The following BSDC1 variants were observed in gnomAD, a reference collection of about 807,000 sequenced individuals.
BSDC1 encodes BSD domain-containing protein 1.
Under a neutral mutation model 56.0 loss-of-function variants are expected in BSDC1, and 29 were observed. That is an observed-to-expected ratio of 0.52 (90% confidence interval 0.39 to 0.71). The LOEUF is 0.71. Ranked by LOEUF, BSDC1 falls within the 30% of genes least tolerant of loss-of-function variation. BSDC1 has a pLI of 0.00. For synonymous variants in BSDC1, 210 were observed against 215.3 expected (o/e 0.98, Z 0.21); for missense variants, 477 against 548.5 (o/e 0.87, Z 1.30).
At chr1:32,394,008 G>A in intron 2 of BSDC1, 72 bp downstream of exon 2, 4 of 1,499,486 alleles carry the variant, frequency 2.7e-6, no homozygotes, top group Non-Finnish European at 2.7e-6. Flanking sequence ...GTTGGGCGGG[G>A]CTGGTTGGAC....
intron 3 of BSDC1, among the ~76,000 whole-genome samples, chr1:32,386,114 T>C (rs1570159872): frequency 6.6e-6 from 1 of 152,086 alleles, no homozygotes; most frequent in Non-Finnish European, 1.5e-5. Context: ...GGTCAGGAGA[T>C]CGAGACCATC....
chr1:32,378,665 C>G lies in BSDC1; in HGVS notation c.528+59G>C, dbSNP rs1178950396. 3.3e-6 allele frequency: 4 copies of G among 1,199,836 alleles called. No individual in the cohort carries two copies. In the African/African-American group the frequency reaches 4.6e-5, roughly 14 times the overall value. The allele number at this position is 1,199,836 out of a possible 1,614,324, so 74.3% of individuals were successfully genotyped here. On this transcript the variant is annotated intron_variant, in intron 6 of 10. Transcript: ENST00000455895. This position sits in a 1 kb window ranked among gnomAD's most constrained non-coding sequence, Gnocchi z 5.2. ...CTGCAGTGACTCTGAACATGTCCCTCCCACCTCCCAACACCTCAAGCCTGG... is the reference window on the plus strand; with the variant it reads ...CTGCAGTGACTCTGAACATGTCCCTGCCACCTCCCAACACCTCAAGCCTGG...
chr1:32,388,815 C>A (rs1271802896), intron 2 of BSDC1, among the ~76,000 whole-genome samples: 1 of 152,198 alleles, frequency 6.6e-6, no homozygotes, highest in Non-Finnish European at 1.5e-5. Flanking sequence ...AAAACCAAGT[C>A]TGTAAACACG....
chr1:32,381,113 G>T (rs938890213), intron 5 of BSDC1, 101 bp downstream of exon 5: 4 of 1,118,810 alleles, frequency 3.6e-6, no homozygotes, highest in South Asian at 1.3e-5. Flanking sequence ...CCCTACATAG[G>T]GGGTGCCCGG....
At chr1:32,371,379 C>T (rs1166978249) in intron 9 of BSDC1, among the ~76,000 whole-genome samples, 4 of 147,456 alleles carry the variant, frequency 2.7e-5, no homozygotes, top group African/African-American at 7.6e-5. Flanking sequence ...GGCACAATCT[C>T]GGCTCACTGC....
In BSDC1 at chr1:32,392,330, AAAAC is replaced by A. The variant is rs531518513; in HGVS notation, c.72+1746_72+1749del. Among the ~76,000 whole-genome samples, 640 of 152,334 alleles carry A rather than the reference AAAAC, an allele frequency of 4.2e-3. 4 individuals carry two copies. The highest frequency in any genetic ancestry group is 6.7e-3 in the Non-Finnish European group (455 of 68,028). On this transcript the variant is annotated intron_variant, in intron 2 of 10. Transcript: ENST00000455895. Reference sequence around the variant, plus strand: ...GGTAACAGAGCCAGACTTGGTCTCAAAAACAAACAAACAAAAAACAAAAAACACT... The same window carrying A: ...GGTAACAGAGCCAGACTTGGTCTCAAAAACAAACAAAAAACAAAAAACACT...
intron 9 of BSDC1, 151 bp from the exon 10 acceptor site, chr1:32,368,701 T>G: frequency 2.1e-6 from 1 of 466,574 alleles, no homozygotes; most frequent in South Asian, 5.1e-5. Context: ...CCAATCGTAC[T>G]TTTTTTTTTT....
chr1:32,388,603 T>G (rs1318148243), intron 2 of BSDC1, among the ~76,000 whole-genome samples: 2 of 152,208 alleles, frequency 1.3e-5, no homozygotes, highest in African/African-American at 4.8e-5. Flanking sequence ...CACACTATCC[T>G]AAGAGCAAAT....
intron 4 of BSDC1, among the ~76,000 whole-genome samples, chr1:32,381,487 T>G (rs1178633387): frequency 1.3e-5 from 2 of 152,220 alleles, no homozygotes; most frequent in Non-Finnish European, 2.9e-5. Context: ...TTTCACCCAG[T>G]ATTCTACCCC....
chr1:32,384,156 G>A, intron 3 of BSDC1, 159 bp from the exon 4 acceptor site: 2 of 959,258 alleles, frequency 2.1e-6, no homozygotes, highest in South Asian at 3.1e-5. Flanking sequence ...AGAGGGAGGA[G>A]GCAAGGGTCC....
At chr1:32,370,761 G>A (rs1039776834) in intron 9 of BSDC1, among the ~76,000 whole-genome samples, 5 of 121,518 alleles carry the variant, frequency 4.1e-5, no homozygotes, top group Admixed American at 1.2e-4. Context: ...CCAAGATCCC[G>A]CCATTGCACT....
chr1:32,389,015 C>T (rs548032998), intron 2 of BSDC1, among the ~76,000 whole-genome samples: 2 of 148,222 alleles, frequency 1.3e-5, no homozygotes, highest in South Asian at 2.1e-4. Context: ...AGTGCAGTGG[C>T]GCGATCTCTG....
intron 9 of BSDC1, among the ~76,000 whole-genome samples, chr1:32,374,309 T>A (rs2148116771): frequency 1.3e-5 from 2 of 152,336 alleles, no homozygotes; most frequent in South Asian, 4.1e-4. Context: ...GGATCTATCA[T>A]GAAACAATTA....
At chr1:32,367,370 A>G in intron 10 of BSDC1, 1 of 985,500 alleles carries the variant, frequency 1.0e-6, no homozygotes, top group Non-Finnish European at 1.2e-6. Flanking sequence ...CTGACAGGGC[A>G]CTATGGGCTT....
chr1:32,377,436 T>C (rs1029679656), intron 8 of BSDC1, among the ~76,000 whole-genome samples: 1 of 152,120 alleles, frequency 6.6e-6, no homozygotes, highest in Admixed American at 6.5e-5. Flanking sequence ...GGGGTTGTGG[T>C]AAGGACTCTG....
At chr1:32,384,626 G>C (rs1455672615) in intron 3 of BSDC1, among the ~76,000 whole-genome samples, 2 of 152,036 alleles carry the variant, frequency 1.3e-5, no homozygotes, top group Non-Finnish European at 2.9e-5. Context: ...GAAACATATG[G>C]GCAGGATTAG....
At chr1:32,371,463 A>G (rs1450128351) in intron 9 of BSDC1, among the ~76,000 whole-genome samples, 3 of 151,826 alleles carry the variant, frequency 2.0e-5, no homozygotes, top group African/African-American at 7.3e-5. Flanking sequence ...GGCGCCCGCC[A>G]CCACGCCCGG....
At chr1:32,392,147 C>A (rs765404379) in intron 2 of BSDC1, among the ~76,000 whole-genome samples, 6 of 151,864 alleles carry the variant, frequency 4.0e-5, no homozygotes, top group Non-Finnish European at 8.8e-5. Context: ...GCCTGGCCAA[C>A]ATGGTGAAAC....
chr1:32,381,541 G>A (rs947505108), intron 4 of BSDC1, among the ~76,000 whole-genome samples: 1 of 152,182 alleles, frequency 6.6e-6, no homozygotes, highest in Non-Finnish European at 1.5e-5. Context: ...AAAATTATTT[G>A]TATAAAATGC....
Sources: gnomAD v4.1 joint callset for allele counts (sites outside exome capture counted in the v4.1 genomes callset) on GRCh38, gnomAD v4.1.1 for gene constraint, Gnocchi (gnomAD v3.1) non-coding constraint, MANE v1.5 for transcripts, NCBI Gene and HGNC (gene_info 2026-07-23, HGNC 2026-07-21) for gene names.